Variants in SLIT2 observed in about 807,000 individuals in gnomAD.
SLIT2 encodes the protein slit guidance ligand 2.
In SLIT2, 41 loss-of-function variants were observed where a neutral mutation model predicts 185.7. That is an observed-to-expected ratio of 0.22 (90% CI 0.17 to 0.29). The LOEUF (loss-of-function observed/expected upper bound fraction) is 0.29. SLIT2 is among the 10% of genes least tolerant of loss of function. SLIT2 has a pLI of 1.00. For missense variants in SLIT2, 1,571 were observed against 1,909.0 expected (o/e 0.82, Z 3.30); for synonymous variants, 693 against 680.2 (o/e 1.02, Z -0.29).
intron 4 of SLIT2, among the ~76,000 whole-genome samples, chr4:20,309,094 C>T (rs1302958428): frequency 1.3e-5 from 2 of 151,918 alleles, no homozygotes; most frequent in African/African-American, 4.8e-5. Context: ...GTTTGTAAAC[C>T]AGTTTCCTTG....
intron 5 of SLIT2, among the ~76,000 whole-genome samples, chr4:20,470,541 G>T (rs1714878531): frequency 6.9e-6 from 1 of 144,006 alleles, no homozygotes; most frequent in Admixed American, 6.9e-5. Context: ...TGTAATGTAA[G>T]GGATGGAATG....
intron 4 of SLIT2, among the ~76,000 whole-genome samples, chr4:20,386,551 A>G (rs1037155558): frequency 2.0e-5 from 3 of 152,200 alleles, no homozygotes; most frequent in Non-Finnish European, 4.4e-5. Flanking sequence ...ATGATTCTGC[A>G]ATAATACCAA....
chr4:20,475,841 T>G (rs1028780191), intron 5 of SLIT2, among the ~76,000 whole-genome samples: 4 of 152,188 alleles, frequency 2.6e-5, no homozygotes, highest in Non-Finnish European at 5.9e-5. Context: ...CTACTACTGC[T>G]ATCTGTTGCT....
At chr4:20,260,446 T>C (rs1712332457) in intron 3 of SLIT2, among the ~76,000 whole-genome samples, 1 of 151,872 alleles carries the variant, frequency 6.6e-6, no homozygotes, top group South Asian at 2.1e-4. Flanking sequence ...TTTTTATTCC[T>C]TGTATGAAGA....
chr4:20,458,614 G>A (rs1040753750), intron 4 of SLIT2, among the ~76,000 whole-genome samples: 15 of 152,316 alleles, frequency 9.8e-5, no homozygotes, highest in Admixed American at 9.8e-4. Flanking sequence ...TGAAACCACA[G>A]CTCCAGGGTG....
chr4:20,433,228 T>TAG (rs745397780), intron 4 of SLIT2, among the ~76,000 whole-genome samples: 3 of 152,328 alleles, frequency 2.0e-5, no homozygotes, highest in East Asian at 3.9e-4. Context: ...TTAAGACTGG[T>TAG]AGAGGAAACA....
intron 8 of SLIT2, chr4:20,490,825 A>G: frequency 6.6e-7 from 1 of 1,519,110 alleles, no homozygotes; most frequent in Non-Finnish European, 8.8e-7. Context: ...GCAAGTTCAC[A>G]TTTCTTTTTT....
chr4:20,538,916 C>T (rs774230009), intron 18 of SLIT2, among the ~76,000 whole-genome samples: 2 of 151,686 alleles, frequency 1.3e-5, no homozygotes, highest in African/African-American at 4.8e-5. Flanking sequence ...TAAAATTATT[C>T]GTGTAGTCTT....
intron 4 of SLIT2, among the ~76,000 whole-genome samples, chr4:20,449,892 A>G (rs1712278585): frequency 6.6e-6 from 1 of 152,132 alleles, no homozygotes; most frequent in South Asian, 2.1e-4. Context: ...TCGATTTATA[A>G]CAGTTGCAAG....
chr4:20,351,745 A>G (rs745414185), intron 4 of SLIT2, among the ~76,000 whole-genome samples: 12 of 152,170 alleles, frequency 7.9e-5, no homozygotes, highest in Admixed American at 3.3e-4. Flanking sequence ...CTTTGTCCCT[A>G]TGAGTACCTA....
intron 4 of SLIT2, among the ~76,000 whole-genome samples, chr4:20,450,251 T>C (rs1217689114): frequency 6.6e-6 from 1 of 152,212 alleles, no homozygotes; most frequent in Non-Finnish European, 1.5e-5. Context: ...ATATCCTCTC[T>C]AAAGCTGTGA....
chr4:20,541,660 C>T (rs1442520564), intron 20 of SLIT2, 41 bp downstream of exon 20: 3 of 1,510,570 alleles, frequency 2.0e-6, no homozygotes, highest in East Asian at 2.3e-5. Context: ...CAGGCATTCA[C>T]ATGCCTGTTC....
At chr4:20,557,441 G>C (rs1203344733) in intron 26 of SLIT2, among the ~76,000 whole-genome samples, 1 of 151,910 alleles carries the variant, frequency 6.6e-6, no homozygotes, top group East Asian at 1.9e-4. Context: ...TCTATAAATG[G>C]AACAACAGAG....
In SLIT2 at chr4:20,583,347, G is replaced by A. The variant is rs117816140; in HGVS notation, c.3089-6297G>A. On this transcript the variant is annotated intron_variant, in intron 29 of 36. Coordinates refer to ENST00000504154, the MANE Select transcript of SLIT2 (RefSeq NM_004787.4). ...TTTTAATTATTTGAAAAAGCTATAG[G>A]CAGATCATTCTGTAAGTATCAGGGA... Among the ~76,000 whole-genome samples, 314 of 152,264 alleles carry A rather than the reference G, an allele frequency of 2.1e-3. 10 individuals are homozygous for A. In the East Asian group the frequency reaches 0.05, roughly 24 times the overall value.
intron 4 of SLIT2, among the ~76,000 whole-genome samples, chr4:20,456,436 T>C (rs1305250270): frequency 6.6e-6 from 1 of 152,110 alleles, no homozygotes; most frequent in Non-Finnish European, 1.5e-5. Context: ...AAGAGCCAGC[T>C]TAATGCCCTC....
intron 4 of SLIT2, among the ~76,000 whole-genome samples, chr4:20,324,927 A>C (rs1236407940): frequency 6.6e-6 from 1 of 152,114 alleles, no homozygotes; most frequent in East Asian, 1.9e-4. Flanking sequence ...TGCATCACCT[A>C]ATACGTTAAT....
rs146083537 is a variant in SLIT2 at position 20,291,009 on chromosome 4, G to A, written c.395+22128G>A. 1.3e-4 allele frequency among the ~76,000 whole-genome samples: 19 copies of A among 151,720 alleles called. No homozygotes were observed. The East Asian group carries it at 3.7e-3, about 30-fold the overall frequency. ...GATTGGGTGTCCCTCCCAATCCAGG[G>A]GTGGCCCAGCATCCTGTTAATGTGG... is the stretch of plus-strand genomic sequence containing the variant. On this transcript the variant is annotated intron_variant, in intron 4 of 36. Transcript: ENST00000504154.
intron 4 of SLIT2, among the ~76,000 whole-genome samples, chr4:20,440,877 T>C (rs554897111): frequency 2.8e-4 from 42 of 152,090 alleles, no homozygotes; most frequent in Non-Finnish European, 4.7e-4. Flanking sequence ...TATTGAGGAG[T>C]CATCGTACCC....
chr4:20,546,240 T>G (rs1180931026), intron 22 of SLIT2, 141 bp downstream of exon 22: 3 of 512,294 alleles, frequency 5.9e-6, no homozygotes, highest in Non-Finnish European at 1.0e-5. Context: ...ATTGCGGTTC[T>G]GGACCCCTGG....
Sources: allele counts gnomAD v4.1 joint callset (sites outside exome capture counted in the v4.1 genomes callset), GRCh38; gene constraint gnomAD v4.1.1; transcripts MANE v1.5; gene names NCBI Gene and HGNC (gene_info 2026-07-23, HGNC 2026-07-21).